The following FLRT2 variants were observed in gnomAD, a reference collection of about 807,000 sequenced individuals.
The protein encoded by FLRT2 is leucine-rich repeat transmembrane protein FLRT2.
FLRT2 carries 15 observed loss-of-function variants against 40.0 expected under a neutral mutation model. That is an observed-to-expected ratio of 0.38 (90% CI 0.25 to 0.58). The LOEUF is 0.58. Among genes scored for constraint, FLRT2 ranks in the 20% least tolerant of loss-of-function variants. The pLI, the probability that FLRT2 is intolerant of heterozygous loss-of-function variation, is 0.71. For synonymous variants in FLRT2, 380 were observed against 336.8 expected, an observed-to-expected ratio of 1.13 and a Z score of -1.41; for missense variants, 726 against 840.0, an observed-to-expected ratio of 0.86 and a Z score of 1.68.
At position 85,608,508 on chromosome 14, in the gene FLRT2, A is replaced by G. The variant is rs547206806; in HGVS notation, c.-376-12631A>G. 2.6e-5 allele frequency among the ~76,000 whole-genome samples: 4 copies of G among 152,320 alleles called. No individual in the cohort carries two copies. In the South Asian group the frequency reaches 8.3e-4, roughly 32 times the overall value. ...CTCGGCTTCCCAAAGTGCTAGGATT[A>G]CAGGCATGAGCCACCTTGCCCAGCT... On this transcript the variant is annotated intron_variant, in intron 1 of 1. Coordinates refer to ENST00000330753, the MANE Select transcript of FLRT2 (RefSeq NM_013231.6).
intron 1 of FLRT2, among the ~76,000 whole-genome samples, chr14:85,584,380 G>T (rs1364799465): frequency 6.6e-6 from 1 of 152,206 alleles, no homozygotes; most frequent in African/African-American, 2.4e-5. Context: ...AGAGAAAAAT[G>T]TGATGGCCAA....
chr14:85,565,406 T>G (rs1311739037), intron 1 of FLRT2, among the ~76,000 whole-genome samples: 2 of 152,130 alleles, frequency 1.3e-5, no homozygotes, highest in East Asian at 3.9e-4. Context: ...AATCTACAAT[T>G]GTTTTATTGG....
Position 85,622,838 on chromosome 14 carries a change from C to G in FLRT2, c.1324C>G (p.Leu442Val), listed in dbSNP as rs749360807. 1 of 1,614,142 alleles carries G rather than the reference C, an allele frequency of 6.2e-7. No individual in the cohort carries two copies. The highest frequency in any genetic ancestry group is 8.5e-7 in the Non-Finnish European group (1 of 1,180,024). The change falls in exon 2 of 2, where the codon CTC becomes GTC. Residue 442 changes from leucine to valine, a missense_variant. By Grantham distance (32) the Leu-to-Val change is conservative (BLOSUM62 1). Coordinates refer to ENST00000330753, the MANE Select transcript of FLRT2 (RefSeq NM_013231.6). The part of the protein sequence containing the change: ...VNDTSIQVSW[L>V]SLFTVMAYKL... ...TGATACTTCCATTCAAGTCAGCTGG[C>G]TCTCTCTCTTCACCGTGATGGCATA... is the stretch of plus-strand genomic sequence containing the variant.
rs374051432 is a variant in FLRT2 at position 85,531,758 on chromosome 14, G to A, written c.-377+1224G>A. On this transcript the variant is annotated intron_variant, in intron 1 of 1. Coordinates refer to ENST00000330753, the MANE Select transcript of FLRT2 (RefSeq NM_013231.6). ...CCGGGATACGTATTAGTCACATACT[G>A]TGGGGAGAAGATGGGCTATGTAAAT... 2.7e-3 allele frequency among the ~76,000 whole-genome samples: 405 copies of A among 152,330 alleles called. 1 individual carries two copies. Among genetic ancestry groups the A allele is most frequent in the African/African-American group, 9.3e-3 (388 of 41,588 alleles).
chr14:85,535,358 A>ACC lies in FLRT2; in HGVS notation c.-377+4824_-377+4825insCC, dbSNP rs1272122175. ...ATCCAATGAAAAGCCCCCCCCCAAA[A>ACC]AAAAAAAACAACAACATTTTGAGGT... On this transcript the variant is annotated intron_variant, in intron 1 of 1. Transcript: ENST00000330753. Among the ~76,000 whole-genome samples the ACC allele has an allele frequency of 1.6e-4, 23 of 141,168 alleles. 1 individual carries two copies. The highest frequency in any genetic ancestry group is 4.9e-4 in the South Asian group (2 of 4,122). The allele number at this position is 141,168 out of a possible 152,430, so 92.6% of individuals were successfully genotyped here. A position where few individuals can be genotyped will look rare whatever the true frequency, so the allele number is the denominator to read the frequency against.
In FLRT2 at chr14:85,647,021, T is replaced by TA. The variant is rs569330811; in HGVS notation, c.*23525dup. ...GCTTCCCAATTACTTGATGAACAGC[T>TA]ATGAATGTTGTTTCTTTTTCTTAGA... is the stretch of plus-strand genomic sequence containing the variant. On this transcript the variant is annotated 3_prime_UTR_variant, in exon 2 of 2. Coordinates refer to ENST00000330753, the MANE Select transcript of FLRT2 (RefSeq NM_013231.6). 3 of 152,214 alleles carry TA rather than the reference T, an allele frequency of 2.0e-5. No homozygotes were observed. Among genetic ancestry groups the TA allele is most frequent in the Non-Finnish European group, 4.4e-5 (3 of 68,050 alleles). The allele number at this position is 152,214 out of a possible 1,614,324, so 9.4% of individuals were successfully genotyped here.
Position 85,631,416 on chromosome 14 carries a change from C to G in FLRT2, c.*7919C>G, listed in dbSNP as rs928784386. The G allele has an allele frequency of 1.3e-5, 2 of 151,942 alleles. No individual in the cohort carries two copies. Among genetic ancestry groups the G allele is most frequent in the African/African-American group, 2.4e-5 (1 of 41,332 alleles). 9.4% of individuals were successfully genotyped at this position (151,942 alleles called of 1,614,324 possible). A position where few individuals can be genotyped will look rare whatever the true frequency, so the allele number is the denominator to read the frequency against. On this transcript the variant is annotated 3_prime_UTR_variant, in exon 2 of 2. Coordinates refer to ENST00000330753, the MANE Select transcript of FLRT2 (RefSeq NM_013231.6). ...TCTGCTTCATGCCTATACAATGGGG[C>G]CCCTGGAAACAGAAAACATATTCTG...
intron 1 of FLRT2, among the ~76,000 whole-genome samples, chr14:85,597,677 G>A (rs983204609): frequency 4.6e-5 from 7 of 152,106 alleles, no homozygotes; most frequent in Admixed American, 1.3e-4. Context: ...CTGCCTCAGC[G>A]TCCTGAGTAG....
At chr14:85,564,768 G>T (rs533546844) in intron 1 of FLRT2, among the ~76,000 whole-genome samples, 4 of 152,204 alleles carry the variant, frequency 2.6e-5, no homozygotes, top group Non-Finnish European at 5.9e-5. Flanking sequence ...AAACTGTGCA[G>T]CTTCGCATCC....
rs1470471181 is a variant in FLRT2, at chr14:85,530,424, A to C, written c.-487A>C. ...GACCTCGGCGGCGACCCCTAAAACAATACCATGCCCCGGGATCCCCGCTGC... is the reference window on the plus strand; with the variant it reads ...GACCTCGGCGGCGACCCCTAAAACACTACCATGCCCCGGGATCCCCGCTGC... On this transcript the variant is annotated 5_prime_UTR_variant, in exon 1 of 2. Coordinates refer to ENST00000330753, the MANE Select transcript of FLRT2 (RefSeq NM_013231.6). The C allele has an allele frequency of 6.6e-6, 1 of 152,544 alleles. No individual in the cohort carries two copies. Among genetic ancestry groups the C allele is most frequent in the Non-Finnish European group, 1.5e-5 (1 of 68,232 alleles). The allele number at this position is 152,544 out of a possible 1,614,324, so 9.4% of individuals were successfully genotyped here.
intron 1 of FLRT2, among the ~76,000 whole-genome samples, chr14:85,580,736 T>C (rs956691705): frequency 1.5e-5 from 1 of 66,536 alleles, no homozygotes; most frequent in Admixed American, 1.3e-4. Context: ...GGAAAGGAAA[T>C]GGGTGTAGAG....
At position 85,572,541 on chromosome 14, in the gene FLRT2, G is replaced by T. The variant is rs576439716; in HGVS notation, c.-377+42007G>T. 2.6e-5 allele frequency among the ~76,000 whole-genome samples: 4 copies of T among 152,314 alleles called. No individual in the cohort carries two copies. The South Asian group carries it at 8.3e-4, about 32-fold the overall frequency. On this transcript the variant is annotated intron_variant, in intron 1 of 1. Transcript: ENST00000330753. ...CATGGCAGGGGTTGTTATTAAGCAT[G>T]TGTTGGCTAACTGATTATAAGACAG...
intron 1 of FLRT2, among the ~76,000 whole-genome samples, chr14:85,558,034 TAGAAAGCATCTGTAGACTTCCGC>T (rs1595018166): frequency 6.6e-6 from 1 of 152,118 alleles, no homozygotes; most frequent in Non-Finnish European, 1.5e-5. Context: ...TAGACTTCCG[TAGAAAGCATCTGTAGACTTCCGC>T]AGAAAGCATC....
At chr14:85,546,757 C>A (rs988082776) in intron 1 of FLRT2, among the ~76,000 whole-genome samples, 1 of 152,186 alleles carries the variant, frequency 6.6e-6, no homozygotes, top group African/African-American at 2.4e-5. Flanking sequence ...CAGCCTATGG[C>A]ATGGTGTCCC....
Position 85,631,142 on chromosome 14 carries a change from C to G in FLRT2, c.*7645C>G, listed in dbSNP as rs1178599228. 1.7e-4 allele frequency: 6 copies of G among 35,460 alleles called. No homozygotes were observed. Among genetic ancestry groups the G allele is most frequent in the African/African-American group, 2.4e-4 (1 of 4,144 alleles). The allele number at this position is 35,460 out of a possible 1,614,324, so 2.2% of individuals were successfully genotyped here. ...TATATATATATATGAAATGAGCAAA[C>G]AAAATGCTTTCAGTTTATCTTCCTG... On this transcript the variant is annotated 3_prime_UTR_variant, in exon 2 of 2. Transcript: ENST00000330753.
intron 1 of FLRT2, among the ~76,000 whole-genome samples, chr14:85,541,865 G>A (rs1889002143): frequency 6.6e-6 from 1 of 152,160 alleles, no homozygotes; most frequent in South Asian, 2.1e-4. Flanking sequence ...ACCAGTGCCT[G>A]CAGCTTCCAA....
chr14:85,602,042 C>T (rs1258225462), intron 1 of FLRT2, among the ~76,000 whole-genome samples: 1 of 152,050 alleles, frequency 6.6e-6, no homozygotes, highest in East Asian at 1.9e-4. Context: ...GCTTTTTAAC[C>T]ATATCTAAGC....
chr14:85,548,883 C>G (rs535478452), intron 1 of FLRT2, among the ~76,000 whole-genome samples: 2 of 152,238 alleles, frequency 1.3e-5, no homozygotes, highest in African/African-American at 4.8e-5. Flanking sequence ...CATCCTGTGC[C>G]CATAAAAACC....
rs1893974058 is a variant in FLRT2 at position 85,635,260 on chromosome 14, T to C, written c.*11763T>C. 6.6e-6 allele frequency: 1 copy of C among 152,162 alleles called. No individual in the cohort carries two copies. Among genetic ancestry groups the C allele is most frequent in the African/African-American group, 2.4e-5 (1 of 41,448 alleles). 9.4% of individuals were successfully genotyped at this position (152,162 alleles called of 1,614,324 possible). On this transcript the variant is annotated 3_prime_UTR_variant, in exon 2 of 2. Transcript: ENST00000330753. ...ATATGAAATGAGGTACTAATACTTT[T>C]AAGGATTTGATGAGATAATTTATAT...
Sources: allele counts gnomAD v4.1 joint callset (sites outside exome capture counted in the v4.1 genomes callset), GRCh38; gene constraint gnomAD v4.1.1; transcripts MANE v1.5; gene names NCBI Gene and HGNC (gene_info 2026-07-23, HGNC 2026-07-21).